The following ILDR2 variants were observed in gnomAD, a reference collection of about 807,000 sequenced individuals.
ILDR2 encodes the protein immunoglobulin-like domain-containing receptor 2.
A neutral mutation model predicts 66.8 loss-of-function variants in ILDR2; 25 were observed. That is an observed-to-expected ratio of 0.37 (90% CI 0.27 to 0.52). The LOEUF is 0.52. Ranked by LOEUF, ILDR2 falls within the 20% of genes least tolerant of loss-of-function variation. The pLI, the probability that ILDR2 is intolerant of heterozygous loss-of-function variation, is 0.88. For missense variants in ILDR2, 827 were observed against 876.8 expected (o/e 0.94, Z 0.72); for synonymous variants, 367 against 357.2 (o/e 1.03, Z -0.31).
intron 1 of ILDR2, among the ~76,000 whole-genome samples, chr1:166,970,159 G>A (rs560178919): frequency 9.2e-5 from 14 of 152,246 alleles, no homozygotes; most frequent in African/African-American, 2.2e-4. Flanking sequence ...ATCCCATCTC[G>A]TCCAAAGTAC....
At chr1:166,952,532 T>C (rs1030118742) in intron 3 of ILDR2, among the ~76,000 whole-genome samples, 28 of 152,318 alleles carry the variant, frequency 1.8e-4, no homozygotes, top group African/African-American at 6.3e-4. Flanking sequence ...TGGATATTTC[T>C]GAAACCACTG....
At chr1:166,902,813 A>G (rs1481302455) in intron 2 of ILDR2, among the ~76,000 whole-genome samples, 1 of 152,160 alleles carries the variant, frequency 6.6e-6, no homozygotes, top group Non-Finnish European at 1.5e-5. Flanking sequence ...AAAGCATCCT[A>G]TCCTACCCTG....
chr1:166,915,254 T>C lies in ILDR2; in HGVS notation c.*4101A>G, dbSNP rs1295552412. 6.6e-6 allele frequency: 1 copy of C among 152,226 alleles called. No homozygotes were observed. The highest frequency in any genetic ancestry group is 1.5e-5 in the Non-Finnish European group (1 of 68,066). 9.4% of individuals were successfully genotyped at this position (152,226 alleles called of 1,614,324 possible). On this transcript the variant is annotated 3_prime_UTR_variant, in exon 10 of 10. Transcript: ENST00000271417. Reference sequence around the variant, plus strand: ...CCCATCCAGGTCACAGCCAGACTTCTGAGTGACTCACCACAGCCAGCCCCA... The same window carrying C: ...CCCATCCAGGTCACAGCCAGACTTCCGAGTGACTCACCACAGCCAGCCCCA...
chr1:166,965,177 GT>G (rs967327821), intron 1 of ILDR2, among the ~76,000 whole-genome samples: 13 of 152,254 alleles, frequency 8.5e-5, no homozygotes, highest in African/African-American at 3.1e-4. Flanking sequence ...TAACAATATA[GT>G]TTGAGTATCC....
chr1:166,921,484 T>G lies in ILDR2; in HGVS notation c.1212-105A>C. On this transcript the variant is annotated intron_variant, in intron 8 of 9. Coordinates refer to ENST00000271417, the MANE Select transcript of ILDR2 (RefSeq NM_199351.3). The surrounding 1 kb of genome is among the most constrained non-coding windows in gnomAD (Gnocchi z 5.3). Reference sequence around the variant, plus strand: ...GTCCTGGGGCCACGCTCAGGAGACCTCGGCCTGAGCCTCAGCTCCGCTCCA... The same window carrying G: ...GTCCTGGGGCCACGCTCAGGAGACCGCGGCCTGAGCCTCAGCTCCGCTCCA... The G allele has an allele frequency of 1.1e-6, 1 of 945,908 alleles. No homozygotes were observed. The highest frequency in any genetic ancestry group is 1.5e-6 in the Non-Finnish European group (1 of 652,282). The allele number at this position is 945,908 out of a possible 1,614,324, so 58.6% of individuals were successfully genotyped here.
chr1:166,941,880 A>C (rs558766158), intron 3 of ILDR2, among the ~76,000 whole-genome samples: 152 of 152,242 alleles, frequency 1.0e-3, no homozygotes, highest in Non-Finnish European at 1.9e-3. Context: ...TCCTATAGCA[A>C]ACCGTGATAA....
chr1:166,956,016 T>C (rs1662259221), intron 3 of ILDR2, among the ~76,000 whole-genome samples: 1 of 152,244 alleles, frequency 6.6e-6, no homozygotes, highest in Non-Finnish European at 1.5e-5. Flanking sequence ...ACAAAATATG[T>C]GCTCAATTTT....
chr1:166,898,840 C>T (rs890145976), intron 2 of ILDR2, among the ~76,000 whole-genome samples: 12 of 151,408 alleles, frequency 7.9e-5, no homozygotes, highest in Non-Finnish European at 1.5e-4. Flanking sequence ...TGGTAGATTG[C>T]TTGAAGCCAG....
intron 2 of ILDR2, among the ~76,000 whole-genome samples, chr1:166,900,296 G>A (rs939022078): frequency 6.6e-6 from 1 of 150,914 alleles, no homozygotes; most frequent in East Asian, 2.0e-4. Context: ...CCCCAGGCCT[G>A]TCTCACCCAT....
chr1:166,896,604 T>C (rs1255397906), intron 2 of ILDR2, among the ~76,000 whole-genome samples: 5 of 150,870 alleles, frequency 3.3e-5, no homozygotes, highest in African/African-American at 9.7e-5. Context: ...TTGGATCAAA[T>C]AAATTATATT....
Position 166,909,686 on chromosome 1 carries a change from A to G in ILDR2, c.*9669T>C, listed in dbSNP as rs1478154038. 6.8e-6 allele frequency: 1 copy of G among 147,962 alleles called. No individual in the cohort carries two copies. The highest frequency in any genetic ancestry group is 2.5e-5 in the African/African-American group (1 of 40,116). 9.2% of individuals were successfully genotyped at this position (147,962 alleles called of 1,614,324 possible). A position where few individuals can be genotyped will look rare whatever the true frequency, so the allele number is the denominator to read the frequency against. ...ATTCAGTTGAACAAAGCGTTTTTCCAAAAACAAGGTTAATAGAAATTGACA... is the reference window on the plus strand; with the variant it reads ...ATTCAGTTGAACAAAGCGTTTTTCCGAAAACAAGGTTAATAGAAATTGACA... On this transcript the variant is annotated 3_prime_UTR_variant, in exon 10 of 10. Transcript: ENST00000271417.
At chr1:166,974,974 A>G (rs1406144132) in intron 1 of ILDR2, among the ~76,000 whole-genome samples, 7 of 152,026 alleles carry the variant, frequency 4.6e-5, no homozygotes, top group Admixed American at 3.3e-4. Flanking sequence ...CTGCATCTAG[A>G]TGCGTCTCAC....
chr1:166,898,357 G>A (rs553949965), intron 2 of ILDR2, among the ~76,000 whole-genome samples: 32 of 152,194 alleles, frequency 2.1e-4, no homozygotes, highest in African/African-American at 7.2e-4. Context: ...CACTTTCCTC[G>A]GACTCTGCAG....
chr1:166,922,112 TAAATGATCAA>T (rs1266243409), intron 8 of ILDR2, among the ~76,000 whole-genome samples: 2 of 152,094 alleles, frequency 1.3e-5, no homozygotes, highest in Admixed American at 1.3e-4. Context: ...TTTCATATAC[TAAATGATCAA>T]AAATGAGGGA....
chr1:166,935,568 G>T, intron 5 of ILDR2, 91 bp from the exon 6 acceptor site: 4 of 1,157,440 alleles, frequency 3.5e-6, no homozygotes, highest in Non-Finnish European at 4.8e-6. Context: ...ACTTCAGGGA[G>T]CTCCTGGATG....
At chr1:166,969,209 G>C (rs979579299) in intron 1 of ILDR2, among the ~76,000 whole-genome samples, 8 of 152,098 alleles carry the variant, frequency 5.3e-5, no homozygotes, top group Non-Finnish European at 7.4e-5. Context: ...CTGCCTCCTG[G>C]TGAGGCAAGG....
chr1:166,910,522 G>A lies in ILDR2; in HGVS notation c.*8833C>T, dbSNP rs1256514633. 1.3e-5 allele frequency: 2 copies of A among 152,140 alleles called. No homozygotes were observed. The highest frequency in any genetic ancestry group is 2.9e-5 in the Non-Finnish European group (2 of 68,014). The allele number at this position is 152,140 out of a possible 1,614,324, so 9.4% of individuals were successfully genotyped here. A position where few individuals can be genotyped will look rare whatever the true frequency, so the allele number is the denominator to read the frequency against. ...TGAGGCACACCTCCATCCAATACTG[G>A]AAGGTTAGCAATAGAGTCACTCTCT... On this transcript the variant is annotated 3_prime_UTR_variant, in exon 10 of 10. Transcript: ENST00000271417.
At chr1:166,975,097 C>T (rs1204481082) in intron 1 of ILDR2, 126 bp downstream of exon 1, 5 of 753,112 alleles carry the variant, frequency 6.6e-6, no homozygotes, top group Admixed American at 3.9e-5. Context: ...CCACTTTCCA[C>T]CAGACCGCTA....
At chr1:166,935,600 G>C (rs1032307297) in intron 5 of ILDR2, 123 bp from the exon 6 acceptor site, 1 of 837,020 alleles carries the variant, frequency 1.2e-6, no homozygotes, top group East Asian at 2.9e-5. Flanking sequence ...ATGTGTGAGC[G>C]TTTGTTCTTC....
Sources: gnomAD v4.1 joint callset for allele counts (sites outside exome capture counted in the v4.1 genomes callset) on GRCh38, gnomAD v4.1.1 for gene constraint, Gnocchi (gnomAD v3.1) non-coding constraint, MANE v1.5 for transcripts, NCBI Gene and HGNC (gene_info 2026-07-23, HGNC 2026-07-21) for gene names.